Variants in CREBBP observed in about 807,000 individuals in gnomAD.
CREBBP encodes CREB-binding protein.
CREBBP carries 19 observed loss-of-function variants against 265.0 expected under a neutral mutation model. That is an observed-to-expected ratio of 0.07 (90% CI 0.05 to 0.11). CREBBP has a LOEUF of 0.11. Ranked by LOEUF, CREBBP falls within the 10% of genes least tolerant of loss-of-function variation. The pLI is 1.00. For synonymous variants in CREBBP, 1,457 were observed against 1,223.7 expected, an observed-to-expected ratio of 1.19 and a Z score of -3.98; for missense variants, 2,525 against 3,219.0, an observed-to-expected ratio of 0.78 and a Z score of 5.22.
chr16:3,861,384 C>G (rs1030780117), intron 1 of CREBBP, among the ~76,000 whole-genome samples: 3 of 152,152 alleles, frequency 2.0e-5, no homozygotes, highest in Non-Finnish European at 4.4e-5. Flanking sequence ...GCAGTAAGGA[C>G]TCAAAAAATA....
At chr16:3,853,868 T>C (rs1169652381) in intron 1 of CREBBP, among the ~76,000 whole-genome samples, 1 of 150,764 alleles carries the variant, frequency 6.6e-6, no homozygotes, top group Non-Finnish European at 1.5e-5. Flanking sequence ...ACCTGGGAGG[T>C]GGAAGTTGCA....
At chr16:3,806,167 G>A (rs886314999) in intron 3 of CREBBP, among the ~76,000 whole-genome samples, 3 of 152,028 alleles carry the variant, frequency 2.0e-5, no homozygotes, top group African/African-American at 2.4e-5. Context: ...ATGGCTTGCC[G>A]CTCAGGTGCT....
At chr16:3,760,679 C>T (rs892599103) in intron 16 of CREBBP, among the ~76,000 whole-genome samples, 21 of 152,046 alleles carry the variant, frequency 1.4e-4, no homozygotes, top group Admixed American at 5.2e-4. Context: ...GCTGGGATTA[C>T]AGGCATGAGC....
chr16:3,775,075 T>G (rs2053105186), intron 11 of CREBBP, among the ~76,000 whole-genome samples: 1 of 152,112 alleles, frequency 6.6e-6, no homozygotes, highest in South Asian at 2.1e-4. Flanking sequence ...GACAGCACCC[T>G]CACAAGCTAC....
chr16:3,765,006 G>A lies in CREBBP; in HGVS notation c.3250+2714C>T, dbSNP rs147867177. Among the ~76,000 whole-genome samples, 1,144 of 151,272 alleles carry A rather than the reference G, an allele frequency of 7.6e-3. 13 individuals are homozygous for A. Among genetic ancestry groups the A allele is most frequent in the Middle Eastern group, 0.02 (6 of 294 alleles). On this transcript the variant is annotated intron_variant, in intron 16 of 30. Transcript: ENST00000262367. ...TTTTGTTTTTGTTTTTTGAGACGGC[G>A]TCTCGCTCTGTCTCCCAGGCTGGAG...
intron 2 of CREBBP, among the ~76,000 whole-genome samples, chr16:3,812,585 G>C (rs3025703): frequency 6.6e-6 from 1 of 150,942 alleles, no homozygotes; most frequent in African/African-American, 2.4e-5. Context: ...CTATGCTTCC[G>C]TGAGGGCCTG....
At chr16:3,844,147 CAAAAAAAAAAA>C (rs545907683) in intron 2 of CREBBP, among the ~76,000 whole-genome samples, 438 of 19,726 alleles carry the variant, frequency 0.022, 8 homozygotes, top group Non-Finnish European at 0.026. Flanking sequence ...GACTCCGTCT[CAAAAAAAAAAA>C]AAAAAAAAAA....
At chr16:3,738,703 G>A (rs770393718) in intron 25 of CREBBP, 31 bp from the exon 26 acceptor site, 1 of 1,380,620 alleles carries the variant, frequency 7.2e-7, no homozygotes, top group Non-Finnish European at 1.0e-6. Context: ...TTTAACTCAG[G>A]GTATCCCTCA....
In CREBBP at chr16:3,726,036, G is replaced by A. The variant is rs1011685935; in HGVS notation, c.*1682C>T. ...ACTCCAAGGGAGGCAGGACCATGTGGCTAAGTGCAAGTATCCCCCGAAGTG... is the reference window on the plus strand; with the variant it reads ...ACTCCAAGGGAGGCAGGACCATGTGACTAAGTGCAAGTATCCCCCGAAGTG... On this transcript the variant is annotated 3_prime_UTR_variant, in exon 31 of 31. Transcript: ENST00000262367. The A allele has an allele frequency of 5.6e-5, 13 of 233,164 alleles. No individual in the cohort carries two copies. The highest frequency in any genetic ancestry group is 8.5e-5 in the Non-Finnish European group (10 of 118,034). The allele number at this position is 233,164 out of a possible 1,614,324, so 14.4% of individuals were successfully genotyped here. A position where few individuals can be genotyped will look rare whatever the true frequency, so the allele number is the denominator to read the frequency against.
At chr16:3,858,295 C>T (rs894799778) in intron 1 of CREBBP, among the ~76,000 whole-genome samples, 2 of 152,216 alleles carry the variant, frequency 1.3e-5, no homozygotes, top group African/African-American at 2.4e-5. Flanking sequence ...GCCAAAGTAT[C>T]CACAAAACAC....
At chr16:3,729,996 G>T in intron 30 of CREBBP, 122 bp from the exon 31 acceptor site, 2 of 1,498,836 alleles carry the variant, frequency 1.3e-6, no homozygotes, top group Non-Finnish European at 1.8e-6. Flanking sequence ...CAGGATAGGA[G>T]ACCCAGACAG....
chr16:3,824,530 G>C (rs1176141590), intron 2 of CREBBP, among the ~76,000 whole-genome samples: 2 of 152,238 alleles, frequency 1.3e-5, no homozygotes, highest in Non-Finnish European at 2.9e-5. Context: ...CACTGTCTCA[G>C]AAGAGCATCA....
At chr16:3,737,653 A>G (rs2052099057) in intron 26 of CREBBP, among the ~76,000 whole-genome samples, 1 of 152,068 alleles carries the variant, frequency 6.6e-6, no homozygotes, top group East Asian at 1.9e-4. Flanking sequence ...TAGTACAGAC[A>G]GGGTTTCACC....
chr16:3,808,791 C>T (rs1427637695), intron 3 of CREBBP, among the ~76,000 whole-genome samples: 1 of 152,228 alleles, frequency 6.6e-6, no homozygotes, highest in Non-Finnish European at 1.5e-5. Flanking sequence ...AATGCTTTCA[C>T]TATGAAGCCA....
intron 19 of CREBBP, among the ~76,000 whole-genome samples, chr16:3,753,223 G>A (rs1405584043): frequency 2.0e-5 from 3 of 152,232 alleles, no homozygotes; most frequent in South Asian, 2.1e-4. Context: ...AGACTGAGGC[G>A]TGGGCCACCG....
chr16:3,740,362 C>A, intron 24 of CREBBP, 37 bp downstream of exon 24: 4 of 1,613,236 alleles, frequency 2.5e-6, no homozygotes, highest in Non-Finnish European at 3.4e-6. Context: ...GGCGTGGGGA[C>A]TGCTCGCAGA....
chr16:3,781,285 G>A lies in CREBBP; in HGVS notation c.1595C>T (p.Pro532Leu), dbSNP rs2141248141. The change falls in exon 7 of 31, where the codon CCA (proline) becomes CTA (leucine). Residue 532 changes from proline to leucine, a missense_variant. By Grantham distance (98) the Pro-to-Leu change is moderately conservative. Coordinates refer to ENST00000262367, the MANE Select transcript of CREBBP (RefSeq NM_004380.3). ...CTGATCTGTTGTTATTCCTCCTGCT[G>A]GAATGTTCATTGGATTATTTCCTTT... ...NPLGNNPMNI[P>L]AGGITTDQQP... 6.2e-7 allele frequency: 1 copy of A among 1,613,610 alleles called. No homozygotes were observed. The highest frequency in any genetic ancestry group is 8.5e-7 in the Non-Finnish European group (1 of 1,179,692).
At chr16:3,826,118 TAGG>T (rs1256856359) in intron 2 of CREBBP, among the ~76,000 whole-genome samples, 1 of 151,750 alleles carries the variant, frequency 6.6e-6, no homozygotes, top group African/African-American at 2.4e-5. Flanking sequence ...GAGGCTGGGG[TAGG>T]AGGACTGCTT....
rs1379782750 is a variant in CREBBP at position 3,760,405 on chromosome 16, T to C, written c.3251-1433A>G. Among the ~76,000 whole-genome samples, 3 of 131,276 alleles carry C rather than the reference T, an allele frequency of 2.3e-5. No individual in the cohort carries two copies. The East Asian group carries it at 6.4e-4, about 28-fold the overall frequency. The allele number at this position is 131,276 out of a possible 152,430, so 86.1% of individuals were successfully genotyped here. A position where few individuals can be genotyped will look rare whatever the true frequency, so the allele number is the denominator to read the frequency against. ...ATCATGCCCAGGTTTTTTTTTTTTT[T>C]TTTTTTTTTTTTTTTGAGACAGAGT... On this transcript the variant is annotated intron_variant, in intron 16 of 30. Coordinates refer to ENST00000262367, the MANE Select transcript of CREBBP (RefSeq NM_004380.3).
Sources: gnomAD v4.1 joint callset for allele counts (sites outside exome capture counted in the v4.1 genomes callset) on GRCh38, gnomAD v4.1.1 for gene constraint, MANE v1.5 for transcripts, NCBI Gene and HGNC (gene_info 2026-07-23, HGNC 2026-07-21) for gene names.